The following PRPF39 variants were observed in gnomAD, a reference collection of about 807,000 sequenced individuals.
PRPF39 encodes pre-mRNA-processing factor 39.
In PRPF39, 27 loss-of-function variants were observed where a neutral mutation model predicts 82.1. The ratio of observed to expected loss-of-function variants is 0.33; its 90% CI spans 0.24 to 0.45. The LOEUF is 0.45. PRPF39 is among the 20% of genes least tolerant of loss of function. The pLI, the probability that PRPF39 is intolerant of heterozygous loss-of-function variation, is 1.00. For synonymous variants in PRPF39, 261 were observed against 256.4 expected (o/e 1.02, Z -0.17); for missense variants, 581 against 796.9 (o/e 0.73, Z 3.26).
intron 8 of PRPF39, 60 bp downstream of exon 8, chr14:45,109,840 CCTTTTTTG>C: frequency 6.5e-7 from 1 of 1,528,678 alleles, no homozygotes; most frequent in East Asian, 2.4e-5. Flanking sequence ...TAGTGACTAA[CCTTTTTTG>C]TACTTCTGTT....
intron 5 of PRPF39, among the ~76,000 whole-genome samples, chr14:45,105,492 A>G (rs1884499224): frequency 6.6e-6 from 1 of 151,702 alleles, no homozygotes; most frequent in Non-Finnish European, 1.5e-5. Flanking sequence ...TGACTTTGCA[A>G]AATTTAAATT....
intron 1 of PRPF39, among the ~76,000 whole-genome samples, chr14:45,086,693 T>C (rs1883837952): frequency 6.6e-6 from 1 of 152,190 alleles, no homozygotes; most frequent in Non-Finnish European, 1.5e-5. Flanking sequence ...GCAAGTATTA[T>C]TTCAGGTTCA....
chr14:45,115,398 C>T lies in PRPF39; in HGVS notation c.*485C>T, dbSNP rs2139071690. ...TTGTGATCTAACTGCAGAAAGGATACATTATTAAAATACTTTGCCTTGGAA... is the reference window on the plus strand; with the variant it reads ...TTGTGATCTAACTGCAGAAAGGATATATTATTAAAATACTTTGCCTTGGAA... On this transcript the variant is annotated 3_prime_UTR_variant, in exon 14 of 14. Coordinates refer to ENST00000355765, the MANE Select transcript of PRPF39 (RefSeq NM_017922.4). 1 of 150,668 alleles carries T rather than the reference C, an allele frequency of 6.6e-6. No individual in the cohort carries two copies. Among genetic ancestry groups the T allele is most frequent in the Non-Finnish European group, 1.5e-5 (1 of 67,720 alleles). The allele number at this position is 150,668 out of a possible 1,614,324, so 9.3% of individuals were successfully genotyped here.
intron 1 of PRPF39, among the ~76,000 whole-genome samples, chr14:45,087,331 C>T (rs189391574): frequency 2.0e-5 from 3 of 152,266 alleles, no homozygotes; most frequent in Admixed American, 1.3e-4. Flanking sequence ...AACTCCTGGA[C>T]TCAAGCAGTC....
In PRPF39 at chr14:45,110,057, T is replaced by G. The variant is rs749244742; in HGVS notation, c.1177-37T>G. 2.5e-6 allele frequency: 4 copies of G among 1,608,502 alleles called. No individual in the cohort carries two copies. Among genetic ancestry groups the G allele is most frequent in the East Asian group, 2.2e-5 (1 of 44,848 alleles). ...TCACAAATTTAATGGCTTGTTCAAC[T>G]GTAAATTATTCAGTATTTCCTCTTT... On this transcript the variant is annotated intron_variant, in intron 8 of 13. Coordinates refer to ENST00000355765, the MANE Select transcript of PRPF39 (RefSeq NM_017922.4). This position sits in a 1 kb window ranked among gnomAD's most constrained non-coding sequence, Gnocchi z 4.0.
intron 1 of PRPF39, among the ~76,000 whole-genome samples, chr14:45,088,091 A>T (rs1228415454): frequency 2.8e-4 from 43 of 152,164 alleles, no homozygotes; most frequent in South Asian, 4.1e-4. Context: ...AGAATTGTGT[A>T]ATCTGGTAGA....
rs1269795921 is a variant in PRPF39, at chr14:45,115,263, A to G, written c.*350A>G. ...ATGTCAGTGTAGTACAAAATTCTGAAAACACATAAGGGCTGGTTATTTACC... is the reference window on the plus strand; with the variant it reads ...ATGTCAGTGTAGTACAAAATTCTGAGAACACATAAGGGCTGGTTATTTACC... On this transcript the variant is annotated 3_prime_UTR_variant, in exon 14 of 14. Coordinates refer to ENST00000355765, the MANE Select transcript of PRPF39 (RefSeq NM_017922.4). 1 of 158,532 alleles carries G rather than the reference A, an allele frequency of 6.3e-6. No homozygotes were observed. Among genetic ancestry groups the G allele is most frequent in the Non-Finnish European group, 1.4e-5 (1 of 72,132 alleles). 9.8% of individuals were successfully genotyped at this position (158,532 alleles called of 1,614,324 possible).
At chr14:45,105,768 C>T (rs535955763) in intron 5 of PRPF39, among the ~76,000 whole-genome samples, 23 of 151,950 alleles carry the variant, frequency 1.5e-4, no homozygotes, top group African/African-American at 4.1e-4. Flanking sequence ...TCAGGTGATC[C>T]GCCCACCTCA....
intron 1 of PRPF39, among the ~76,000 whole-genome samples, chr14:45,091,560 T>C (rs1884027802): frequency 6.6e-6 from 1 of 152,198 alleles, no homozygotes; most frequent in African/African-American, 2.4e-5. Flanking sequence ...GACAAACTTA[T>C]AATAATATTT....
At position 45,114,715 on chromosome 14, in the gene PRPF39, T is replaced by TA. The variant is rs1355096657; in HGVS notation, c.1953+102dup. 4 of 1,442,746 alleles carry TA rather than the reference T, an allele frequency of 2.8e-6. No homozygotes were observed. In the African/African-American group the frequency reaches 5.7e-5, roughly 21 times the overall value. 89.4% of individuals were successfully genotyped at this position (1,442,746 alleles called of 1,614,324 possible). On this transcript the variant is annotated intron_variant, in intron 13 of 13. Transcript: ENST00000355765. ...AAAAGTTTTTGTTCCAATTGTGTAA[T>TA]ACATTCTTTGGTGGTTAAGTACTAG...
chr14:45,087,407 G>T (rs757623263), intron 1 of PRPF39, among the ~76,000 whole-genome samples: 4 of 152,100 alleles, frequency 2.6e-5, no homozygotes, highest in Non-Finnish European at 4.4e-5. Flanking sequence ...GGCCCAGAGT[G>T]TATTATTTTT....
chr14:45,099,075 TG>T (rs1386645998), intron 4 of PRPF39, among the ~76,000 whole-genome samples: 3 of 152,186 alleles, frequency 2.0e-5, no homozygotes, highest in Admixed American at 2.0e-4. Flanking sequence ...TTCTATAATG[TG>T]TTTTTCCTCT....
At chr14:45,093,347 C>T (rs754506134) in intron 1 of PRPF39, among the ~76,000 whole-genome samples, 111 of 149,170 alleles carry the variant, frequency 7.4e-4, no homozygotes, top group African/African-American at 2.2e-3. Context: ...CTCAGCCTCC[C>T]GAGTAGCTGG....
intron 1 of PRPF39, among the ~76,000 whole-genome samples, chr14:45,088,981 G>A (rs1349136950): frequency 6.6e-6 from 1 of 152,196 alleles, no homozygotes. Context: ...CTGATACAGT[G>A]AAGAGATGAT....
At chr14:45,092,600 CAAAAAA>C (rs775755309) in intron 1 of PRPF39, among the ~76,000 whole-genome samples, 1 of 51,486 alleles carries the variant, frequency 1.9e-5, no homozygotes, top group Non-Finnish European at 4.4e-5. Context: ...GACTCTGTCT[CAAAAAA>C]AAAAAAAAAA....
At chr14:45,114,346 G>T in intron 12 of PRPF39, 89 bp downstream of exon 12, 1 of 1,362,226 alleles carries the variant, frequency 7.3e-7, no homozygotes, top group Non-Finnish European at 1.0e-6. Context: ...CTTTTATGTT[G>T]TAATTTACAT....
intron 1 of PRPF39, among the ~76,000 whole-genome samples, chr14:45,089,096 A>C (rs750630296): frequency 6.6e-6 from 1 of 152,104 alleles, no homozygotes; most frequent in African/African-American, 2.4e-5. Context: ...AAAGCTTTTA[A>C]ATTTGATGTA....
intron 1 of PRPF39, among the ~76,000 whole-genome samples, chr14:45,089,471 T>G (rs1407783823): frequency 6.6e-6 from 1 of 152,188 alleles, no homozygotes; most frequent in Non-Finnish European, 1.5e-5. Context: ...TCACACTTGA[T>G]TTCTTTCTTT....
chr14:45,095,658 G>T, intron 2 of PRPF39, 95 bp downstream of exon 2: 1 of 1,395,452 alleles, frequency 7.2e-7, no homozygotes, highest in South Asian at 1.5e-5. Context: ...GATTAAAATT[G>T]ACTCATAATT....
Sources: allele counts gnomAD v4.1 joint callset (sites outside exome capture counted in the v4.1 genomes callset), GRCh38; gene constraint gnomAD v4.1.1; non-coding constraint Gnocchi (gnomAD v3.1); transcripts MANE v1.5; gene names NCBI Gene and HGNC (gene_info 2026-07-23, HGNC 2026-07-21).